The following SLCO3A1 variants were observed in gnomAD, a reference collection of about 807,000 sequenced individuals.
SLCO3A1 encodes the protein solute carrier organic anion transporter family member 3A1.
Under a neutral mutation model 63.1 loss-of-function variants are expected in SLCO3A1, and 27 were observed. The ratio of observed to expected loss-of-function variants is 0.43; its 90% CI spans 0.32 to 0.59. SLCO3A1 has a LOEUF of 0.59. Ranked by LOEUF, SLCO3A1 falls within the 20% of genes least tolerant of loss-of-function variation. The pLI is 0.09. For missense variants in SLCO3A1, 773 were observed against 945.8 expected, an observed-to-expected ratio of 0.82 and a Z score of 2.40; for synonymous variants, 473 against 409.9, an observed-to-expected ratio of 1.15 and a Z score of -1.86.
chr15:92,157,021 A>G (rs529656602), intron 9 of SLCO3A1: 2 of 152,254 alleles, frequency 1.3e-5, no homozygotes, highest in African/African-American at 4.8e-5. Flanking sequence ...AAACAGAGAC[A>G]GTGTTCTTAA....
At chr15:91,985,439 G>C (rs2046039618) in intron 2 of SLCO3A1, among the ~76,000 whole-genome samples, 1 of 152,180 alleles carries the variant, frequency 6.6e-6, no homozygotes, top group African/African-American at 2.4e-5. Context: ...TACTGTCCCT[G>C]GGTTTTGGTG....
intron 2 of SLCO3A1, among the ~76,000 whole-genome samples, chr15:92,017,798 G>A (rs1282676986): frequency 6.6e-6 from 1 of 152,176 alleles, no homozygotes; most frequent in Non-Finnish European, 1.5e-5. Context: ...GACAGCCAGG[G>A]ATCTTGTTTG....
chr15:92,100,447 G>T lies in SLCO3A1; in HGVS notation c.746-3832G>T, dbSNP rs144462518. 3.7e-4 allele frequency among the ~76,000 whole-genome samples: 57 copies of T among 152,320 alleles called. No homozygotes were observed. The East Asian group carries it at 0.011, about 29-fold the overall frequency. On this transcript the variant is annotated intron_variant, in intron 3 of 9. Coordinates refer to ENST00000318445, the MANE Select transcript of SLCO3A1 (RefSeq NM_013272.4). ...TTATTCAACATCTTTCTTCATCCAT[G>T]TGTCTAGTTTTGTTGGCAATTGAAT...
intron 2 of SLCO3A1, among the ~76,000 whole-genome samples, chr15:92,000,985 A>AGG (rs1470535221): frequency 3.3e-5 from 5 of 152,138 alleles, no homozygotes; most frequent in Non-Finnish European, 7.4e-5. Context: ...AAGGCTGATC[A>AGG]GTCTGTCTAT....
At position 91,854,262 on chromosome 15, in the gene SLCO3A1, G is replaced by T. The variant is rs1896853209; in HGVS notation, c.180+174G>T. On this transcript the variant is annotated intron_variant, in intron 1 of 9. Transcript: ENST00000318445. The surrounding 1 kb of genome is among the most constrained non-coding windows in gnomAD (Gnocchi z 6.4). The stretch of plus-strand genomic sequence containing the variant: ...GCCGCCGGGGGAGCTGCCGGCCGGG[G>T]CTGCCAGCGAGCGGGTAGCGGGCGG... 11 of 1,139,740 alleles carry T rather than the reference G, an allele frequency of 9.7e-6. No homozygotes were observed. Among genetic ancestry groups the T allele is most frequent in the Non-Finnish European group, 1.2e-5 (11 of 916,266 alleles). The allele number at this position is 1,139,740 out of a possible 1,614,324, so 70.6% of individuals were successfully genotyped here.
intron 5 of SLCO3A1, among the ~76,000 whole-genome samples, chr15:92,124,321 T>G (rs2047896587): frequency 6.6e-6 from 1 of 152,066 alleles, no homozygotes; most frequent in Non-Finnish European, 1.5e-5. Flanking sequence ...GGACAGCACA[T>G]ACATCAGGGA....
At chr15:92,138,467 T>C (rs1226444937) in intron 7 of SLCO3A1, among the ~76,000 whole-genome samples, 1 of 119,764 alleles carries the variant, frequency 8.3e-6, no homozygotes, top group Non-Finnish European at 1.6e-5. Context: ...GGCTCTTTTT[T>C]GGTTCCATCT....
At position 91,886,751 on chromosome 15, in the gene SLCO3A1, T is replaced by C. The variant is rs989711089; in HGVS notation, c.181-29242T>C. 2.0e-5 allele frequency among the ~76,000 whole-genome samples: 3 copies of C among 152,192 alleles called. No homozygotes were observed. Among genetic ancestry groups the C allele is most frequent in the African/African-American group, 4.8e-5 (2 of 41,448 alleles). ...TCCAGACAATAATTCAGGGGTACGA[T>C]GTGATGGCCCTCTGTTGATTCTCTT... On this transcript the variant is annotated intron_variant, in intron 1 of 9. Transcript: ENST00000318445. This position sits in a 1 kb window ranked among gnomAD's most constrained non-coding sequence, Gnocchi z 4.9.
intron 3 of SLCO3A1, chr15:92,098,129 T>G (rs539386162): frequency 3.9e-5 from 6 of 152,158 alleles, no homozygotes; most frequent in Non-Finnish European, 5.9e-5. Context: ...GGGCCCTCGT[T>G]ATGGGGTAGA....
At chr15:91,988,995 C>G (rs1199991300) in intron 2 of SLCO3A1, among the ~76,000 whole-genome samples, 4 of 152,196 alleles carry the variant, frequency 2.6e-5, no homozygotes, top group African/African-American at 4.8e-5. Flanking sequence ...TTTGGCCAGT[C>G]TCTTGTGTCT....
At chr15:91,960,272 C>T (rs573367458) in intron 2 of SLCO3A1, among the ~76,000 whole-genome samples, 22 of 152,206 alleles carry the variant, frequency 1.4e-4, no homozygotes, top group Non-Finnish European at 2.6e-4. Flanking sequence ...CGTGAGCCAC[C>T]ACGCCCGGCC....
chr15:91,973,251 C>G (rs1415653314), intron 2 of SLCO3A1, among the ~76,000 whole-genome samples: 7 of 152,216 alleles, frequency 4.6e-5, no homozygotes, highest in Admixed American at 4.6e-4. Context: ...AATGAATTCT[C>G]AGGTGCCTGC....
At chr15:91,952,808 T>TC (rs1442063156) in intron 2 of SLCO3A1, among the ~76,000 whole-genome samples, 2 of 152,214 alleles carry the variant, frequency 1.3e-5, no homozygotes, top group Non-Finnish European at 2.9e-5. Flanking sequence ...GTACATTTCC[T>TC]CCTGCCCCTA....
intron 1 of SLCO3A1, among the ~76,000 whole-genome samples, chr15:91,878,764 AATACTT>A (rs1453700996): frequency 6.6e-6 from 1 of 152,212 alleles, no homozygotes; most frequent in Non-Finnish European, 1.5e-5. Flanking sequence ...TAAACAATGA[AATACTT>A]ATAGTAACTG....
intron 3 of SLCO3A1, among the ~76,000 whole-genome samples, chr15:92,095,517 A>C (rs2047527919): frequency 1.3e-5 from 2 of 152,204 alleles, no homozygotes; most frequent in Admixed American, 1.3e-4. Flanking sequence ...AAACCATTTT[A>C]AGCAGAACCT....
intron 2 of SLCO3A1, among the ~76,000 whole-genome samples, chr15:91,998,805 AAAG>A (rs752150945): frequency 2.0e-5 from 3 of 152,260 alleles, no homozygotes; most frequent in African/African-American, 4.8e-5. Flanking sequence ...ATCCAAAAGA[AAAG>A]AAATTGCTCT....
intron 1 of SLCO3A1, among the ~76,000 whole-genome samples, chr15:91,911,789 G>A (rs534356064): frequency 1.3e-5 from 2 of 152,196 alleles, no homozygotes; most frequent in East Asian, 1.9e-4. Context: ...ACCACGTCCA[G>A]CTAATTTTTG....
intron 2 of SLCO3A1, among the ~76,000 whole-genome samples, chr15:92,030,137 A>G (rs2046628621): frequency 6.6e-6 from 1 of 152,232 alleles, no homozygotes. Flanking sequence ...ATTGAATGCG[A>G]TCCTCCTGTT....
chr15:92,068,479 G>T (rs2047177618), intron 2 of SLCO3A1, among the ~76,000 whole-genome samples: 1 of 152,160 alleles, frequency 6.6e-6, no homozygotes, highest in South Asian at 2.1e-4. Flanking sequence ...GGATGCATGA[G>T]CTTCCTCTGG....
Sources: gnomAD v4.1 joint callset for allele counts (sites outside exome capture counted in the v4.1 genomes callset) on GRCh38, gnomAD v4.1.1 for gene constraint, Gnocchi (gnomAD v3.1) non-coding constraint, MANE v1.5 for transcripts, NCBI Gene and HGNC (gene_info 2026-07-23, HGNC 2026-07-21) for gene names.